The following GNB5 variants were observed in gnomAD, a reference collection of about 807,000 sequenced individuals.
GNB5 encodes the protein G protein subunit beta 5.
GNB5 carries 37 observed loss-of-function variants against 55.3 expected under a neutral mutation model. The ratio of observed to expected loss-of-function variants is 0.67; its 90% CI spans 0.51 to 0.88. The LOEUF is 0.88. Ranked by LOEUF, GNB5 falls within the 40% of genes least tolerant of loss-of-function variation. GNB5 has a pLI of 0.00. For missense variants in GNB5, 476 were observed against 515.3 expected (o/e 0.92, Z 0.74); for synonymous variants, 219 against 198.5 (o/e 1.10, Z -0.87).
At chr15:52,147,271 G>A (rs1277331818) in intron 6 of GNB5, 188 bp downstream of exon 6, 3 of 497,990 alleles carry the variant, frequency 6.0e-6, no homozygotes, top group Non-Finnish European at 1.1e-5. Context: ...CCAGGTGGCT[G>A]GGATTACAAG....
chr15:52,185,815 G>T (rs1364997356), intron 1 of GNB5, among the ~76,000 whole-genome samples: 1 of 148,670 alleles, frequency 6.7e-6, no homozygotes, highest in East Asian at 2.0e-4. Flanking sequence ...GTATCTCTCT[G>T]TCTCCCAGGC....
intron 6 of GNB5, among the ~76,000 whole-genome samples, chr15:52,146,489 T>C (rs2033979508): frequency 6.6e-6 from 1 of 152,224 alleles, no homozygotes; most frequent in African/African-American, 2.4e-5. Flanking sequence ...GGCTGTATGA[T>C]ATTCCATTCA....
intron 3 of GNB5, among the ~76,000 whole-genome samples, chr15:52,169,538 CAAAAAAAAAAAAAAAA>C (rs60470864): frequency 1.4e-5 from 1 of 71,496 alleles, no homozygotes; most frequent in African/African-American, 5.4e-5. Flanking sequence ...GACTCTGTCT[CAAAAAAAAAAAAAAAA>C]AAAAAAAAAG....
Position 52,122,784 on chromosome 15 carries a change from CAGAT to C in GNB5, c.1177-20_1177-17del, listed in dbSNP as rs1430269999. 1.9e-6 allele frequency: 3 copies of C among 1,599,896 alleles called. No individual in the cohort carries two copies. The highest frequency in any genetic ancestry group is 2.6e-6 in the Non-Finnish European group (3 of 1,167,130). ...AGGCCCAGACCTGTGAAGACACAAACAGATAGTTTTTAGACCTTTGTAGTTAACA... is the reference window on the plus strand; with the variant it reads ...AGGCCCAGACCTGTGAAGACACAAACAGTTTTTAGACCTTTGTAGTTAACA... On this transcript the variant is annotated splice_polypyrimidine_tract_variant and intron_variant, in intron 12 of 12. Transcript: ENST00000261837.
chr15:52,136,677 C>T (rs899250371), intron 7 of GNB5, among the ~76,000 whole-genome samples: 1 of 152,228 alleles, frequency 6.6e-6, no homozygotes, highest in Admixed American at 6.5e-5. Context: ...TTCACGCATA[C>T]ACAGGTTCAA....
intron 3 of GNB5, among the ~76,000 whole-genome samples, chr15:52,158,648 CTTTTT>C (rs563293671): frequency 0.011 from 1,618 of 145,408 alleles, 14 homozygotes; most frequent in Non-Finnish European, 0.018. Context: ...GCTCACCAAC[CTTTTT>C]TTTTTTTTAA....
intron 3 of GNB5, chr15:52,162,944 G>T (rs1008014954): frequency 6.6e-6 from 1 of 152,204 alleles, no homozygotes; most frequent in Admixed American, 6.5e-5. Context: ...CGTGGAGAAC[G>T]GAATGGCGAG....
Position 52,135,650 on chromosome 15 carries a change from A to T in GNB5, c.734T>A (p.Leu245Gln). The change falls in exon 8 of 13, where the codon CTG (leucine) becomes CAG (glutamine). Residue 245 changes from leucine to glutamine, a missense_variant. Physicochemically the swap from Leu to Gln is moderately radical, Grantham distance 113. Transcript: ENST00000261837. ...GGTGTTTCCAGTTTCTGAGGGGGCC[A>T]GGTCCAAGCAGAGGACGTCAGCCCC... ...GHGADVLCLDLAPSETGNTFV... is the reference protein window; with the variant it reads ...GHGADVLCLDQAPSETGNTFV... 2.5e-6 allele frequency: 4 copies of T among 1,613,668 alleles called. No individual in the cohort carries two copies. Among genetic ancestry groups the T allele is most frequent in the Non-Finnish European group, 2.5e-6 (3 of 1,179,826 alleles).
At chr15:52,147,969 G>A (rs1024341535) in intron 5 of GNB5, among the ~76,000 whole-genome samples, 2 of 152,042 alleles carry the variant, frequency 1.3e-5, no homozygotes, top group Non-Finnish European at 2.9e-5. Context: ...AAGTGGTACG[G>A]GGTAAAGATG....
chr15:52,132,097 T>TAGTG (rs2033592678), intron 9 of GNB5, among the ~76,000 whole-genome samples: 1 of 152,232 alleles, frequency 6.6e-6, no homozygotes, highest in African/African-American at 2.4e-5. Context: ...GGTTCTTCTA[T>TAGTG]AGTGCATCCC....
intron 7 of GNB5, chr15:52,139,641 C>T: frequency 3.1e-6 from 1 of 321,558 alleles, no homozygotes; most frequent in Non-Finnish European, 5.8e-6. Context: ...CAAACGCTGT[C>T]TAGGATCACC....
At position 52,120,352 on chromosome 15, in the gene GNB5, C is replaced by CA. The variant is rs1413296996; in HGVS notation, c.*2404dup. The CA allele has an allele frequency of 6.6e-6, 1 of 152,280 alleles. No homozygotes were observed. The highest frequency in any genetic ancestry group is 1.5e-5 in the Non-Finnish European group (1 of 68,056). The allele number at this position is 152,280 out of a possible 1,614,324, so 9.4% of individuals were successfully genotyped here. On this transcript the variant is annotated 3_prime_UTR_variant, in exon 13 of 13. Transcript: ENST00000261837. ...TAGTCCAAATCAAGTATCTCATCAG[C>CA]AAATCCCGACAGCACCCACTGCGAG...
intron 3 of GNB5, among the ~76,000 whole-genome samples, chr15:52,161,791 C>T (rs761757472): frequency 3.9e-5 from 6 of 152,186 alleles, no homozygotes; most frequent in Non-Finnish European, 8.8e-5. Flanking sequence ...CCCTGTGCTG[C>T]GTGCCAGACT....
At chr15:52,186,522 T>C (rs1390185408) in intron 1 of GNB5, among the ~76,000 whole-genome samples, 1 of 152,136 alleles carries the variant, frequency 6.6e-6, no homozygotes, top group Non-Finnish European at 1.5e-5. Context: ...TGCTGTGGCC[T>C]AGATTTCTTT....
At chr15:52,133,995 GC>G (rs1352927751) in intron 8 of GNB5, among the ~76,000 whole-genome samples, 1 of 152,220 alleles carries the variant, frequency 6.6e-6, no homozygotes, top group African/African-American at 2.4e-5. Context: ...CGGGCCATCT[GC>G]ACCCTCAGCA....
At position 52,120,008 on chromosome 15, in the gene GNB5, C is replaced by G. The variant is rs2033227324; in HGVS notation, c.*2749G>C. 6.6e-6 allele frequency: 1 copy of G among 152,198 alleles called. No homozygotes were observed. Among genetic ancestry groups the G allele is most frequent in the South Asian group, 2.1e-4 (1 of 4,826 alleles). 9.4% of individuals were successfully genotyped at this position (152,198 alleles called of 1,614,324 possible). ...GGAGAAGAGGGACGGCTGCCAGGGC[C>G]CCACCGGTGAGAGGCTGACCGCGCA... On this transcript the variant is annotated 3_prime_UTR_variant, in exon 13 of 13. Transcript: ENST00000261837.
chr15:52,124,291 A>G (rs544992200), intron 12 of GNB5, among the ~76,000 whole-genome samples, 182 bp downstream of exon 12: 1 of 152,134 alleles, frequency 6.6e-6, no homozygotes, highest in Admixed American at 6.5e-5. Context: ...CTGATGCAGC[A>G]CTCGCTACCT....
chr15:52,179,963 C>G (rs1303271252), intron 2 of GNB5, 84 bp from the exon 3 acceptor site: 3 of 1,387,214 alleles, frequency 2.2e-6, no homozygotes, highest in Non-Finnish European at 1.9e-6. Flanking sequence ...CAGCCGTCCC[C>G]GGCCCCGAGC....
At chr15:52,145,248 CTT>C (rs200894201) in intron 6 of GNB5, among the ~76,000 whole-genome samples, 2,247 of 152,086 alleles carry the variant, frequency 0.015, 27 homozygotes, top group Admixed American at 0.025. Flanking sequence ...TATAGCACCT[CTT>C]ATCCTTTTAG....
Sources: gnomAD v4.1 joint callset for allele counts (sites outside exome capture counted in the v4.1 genomes callset) on GRCh38, gnomAD v4.1.1 for gene constraint, MANE v1.5 for transcripts, NCBI Gene and HGNC (gene_info 2026-07-23, HGNC 2026-07-21) for gene names.